The following NOL4 variants were observed in gnomAD, a reference collection of about 807,000 sequenced individuals.
The protein encoded by NOL4 is cancer/testis antigen 125.
In NOL4, 17 loss-of-function variants were observed where a neutral mutation model predicts 75.9. The ratio of observed to expected loss-of-function variants is 0.22; its 90% CI spans 0.15 to 0.34. NOL4 has a LOEUF of 0.34. Ranked by LOEUF, NOL4 falls within the 10% of genes least tolerant of loss-of-function variation. The pLI is 1.00. For missense variants in NOL4, 614 were observed against 793.5 expected, an observed-to-expected ratio of 0.77 and a Z score of 2.72; for synonymous variants, 292 against 289.9, an observed-to-expected ratio of 1.01 and a Z score of -0.07.
At chr18:33,861,117 C>G (rs1011301706) in intron 10 of NOL4, among the ~76,000 whole-genome samples, 1 of 152,108 alleles carries the variant, frequency 6.6e-6, no homozygotes, top group African/African-American at 2.4e-5. Context: ...TGTCTCTGCC[C>G]GGCTTTGGTA....
At chr18:34,188,787 G>C (rs1057160188) in intron 1 of NOL4, among the ~76,000 whole-genome samples, 1 of 152,070 alleles carries the variant, frequency 6.6e-6, no homozygotes, top group African/African-American at 2.4e-5. Context: ...AAAAACCATA[G>C]TCAAACCATC....
At chr18:34,180,615 G>T (rs1402002906) in intron 1 of NOL4, among the ~76,000 whole-genome samples, 2 of 151,320 alleles carry the variant, frequency 1.3e-5, no homozygotes, top group Non-Finnish European at 3.0e-5. Flanking sequence ...TTCTAGCTAA[G>T]ACAATTAGGC....
At chr18:33,955,458 G>A (rs938970390) in intron 8 of NOL4, among the ~76,000 whole-genome samples, 5 of 151,814 alleles carry the variant, frequency 3.3e-5, no homozygotes, top group African/African-American at 1.2e-4. Context: ...TTCATAATTA[G>A]ACTATTTATT....
At chr18:33,918,213 A>G (rs773493040) in intron 9 of NOL4, among the ~76,000 whole-genome samples, 2 of 152,168 alleles carry the variant, frequency 1.3e-5, no homozygotes, top group Non-Finnish European at 2.9e-5. Flanking sequence ...AATCTGCTCA[A>G]TTGTTCCCCT....
At chr18:33,945,647 T>G (rs1055146940) in intron 8 of NOL4, among the ~76,000 whole-genome samples, 3 of 151,798 alleles carry the variant, frequency 2.0e-5, no homozygotes, top group Non-Finnish European at 4.4e-5. Flanking sequence ...TAAGGTCATG[T>G]GATAACCTAA....
chr18:34,187,595 G>A (rs2034586377), intron 1 of NOL4, among the ~76,000 whole-genome samples: 1 of 151,954 alleles, frequency 6.6e-6, no homozygotes, highest in African/African-American at 2.4e-5. Flanking sequence ...CACCGTGTTA[G>A]CCAGGATGGT....
intron 1 of NOL4, among the ~76,000 whole-genome samples, chr18:34,161,674 C>T (rs1170431268): frequency 6.6e-6 from 1 of 151,924 alleles, no homozygotes; most frequent in East Asian, 1.9e-4. Flanking sequence ...AGATCATTTG[C>T]CCATTTTTAA....
rs943297785 is a variant in NOL4 at position 34,011,234 on chromosome 18, T to C, written c.1056+8084A>G. ...ATGTATGCCTATTATGTAGCCATAA[T>C]AATTAAAAGTTTTAAATAAAAATAA... On this transcript the variant is annotated intron_variant, in intron 6 of 10. Coordinates refer to ENST00000261592, the MANE Select transcript of NOL4 (RefSeq NM_003787.5). 4.0e-5 allele frequency among the ~76,000 whole-genome samples: 6 copies of C among 151,814 alleles called. No individual in the cohort carries two copies. In the South Asian group the frequency reaches 1.2e-3, roughly 31 times the overall value.
intron 10 of NOL4, among the ~76,000 whole-genome samples, chr18:33,872,659 G>A (rs150185704): frequency 8.7e-4 from 133 of 152,024 alleles, no homozygotes; most frequent in African/African-American, 3.1e-3. Context: ...GTTTCTTTGT[G>A]TTGTTAAATC....
chr18:34,092,370 C>T (rs185211996), intron 5 of NOL4, among the ~76,000 whole-genome samples: 1 of 152,078 alleles, frequency 6.6e-6, no homozygotes, highest in Admixed American at 6.5e-5. Flanking sequence ...ATAATCAATG[C>T]ATTCCTCATT....
intron 1 of NOL4, among the ~76,000 whole-genome samples, chr18:34,143,288 A>C (rs2081263106): frequency 6.6e-6 from 1 of 152,202 alleles, no homozygotes; most frequent in South Asian, 2.1e-4. Context: ...GGTTATAAAC[A>C]GTACTGATAT....
chr18:33,975,314 T>A (rs2071404967), intron 6 of NOL4, among the ~76,000 whole-genome samples: 1 of 152,220 alleles, frequency 6.6e-6, no homozygotes, highest in Non-Finnish European at 1.5e-5. Flanking sequence ...GAGACTTTTT[T>A]ATACCACCAT....
At chr18:34,222,330 G>A (rs1394891019) in intron 1 of NOL4, 2 of 1,281,616 alleles carry the variant, frequency 1.6e-6, no homozygotes, top group Non-Finnish European at 9.8e-7. Flanking sequence ...GAAGAGGGAA[G>A]TGAGGAAGGG....
chr18:34,151,857 AT>A (rs1425708678), intron 1 of NOL4, among the ~76,000 whole-genome samples: 2 of 151,786 alleles, frequency 1.3e-5, no homozygotes, highest in Non-Finnish European at 2.9e-5. Flanking sequence ...CCTGAAGTCT[AT>A]TTAAAATGAG....
chr18:33,934,406 A>G (rs1191912718), intron 9 of NOL4, among the ~76,000 whole-genome samples: 2 of 152,190 alleles, frequency 1.3e-5, no homozygotes, highest in East Asian at 3.9e-4. Context: ...GAAGCCAGGC[A>G]TTAATTTCTT....
chr18:34,015,709 T>C (rs1475044701), intron 6 of NOL4, among the ~76,000 whole-genome samples: 3 of 152,086 alleles, frequency 2.0e-5, no homozygotes, highest in Non-Finnish European at 4.4e-5. Flanking sequence ...TGTACCTTTC[T>C]TCAGAGCTGA....
chr18:33,890,503 T>C (rs545767066), intron 9 of NOL4, among the ~76,000 whole-genome samples: 5 of 152,278 alleles, frequency 3.3e-5, no homozygotes. Flanking sequence ...ATGACTTTCT[T>C]CACAGAATTG....
chr18:34,219,546 A>C (rs922758117), intron 1 of NOL4, among the ~76,000 whole-genome samples: 4 of 152,254 alleles, frequency 2.6e-5, no homozygotes, highest in Non-Finnish European at 5.9e-5. Flanking sequence ...AAGCTTCTAA[A>C]AACAAACTAC....
At chr18:33,888,428 T>A (rs531872564) in intron 9 of NOL4, among the ~76,000 whole-genome samples, 83 of 152,282 alleles carry the variant, frequency 5.5e-4, no homozygotes, top group African/African-American at 1.9e-3. Flanking sequence ...TTTAATTAGA[T>A]CCCATTTGTC....
Sources: gnomAD v4.1 joint callset for allele counts (sites outside exome capture counted in the v4.1 genomes callset) on GRCh38, gnomAD v4.1.1 for gene constraint, MANE v1.5 for transcripts, NCBI Gene and HGNC (gene_info 2026-07-23, HGNC 2026-07-21) for gene names.